MED13: variants seen among roughly 807,000 people sequenced by gnomAD.
The protein encoded by MED13 is mediator of RNA polymerase II transcription subunit 13.
Under a neutral mutation model 225.2 loss-of-function variants are expected in MED13, and 23 were observed. The observed-to-expected ratio is 0.10, with a 90% CI of 0.07 to 0.14. The LOEUF (loss-of-function observed/expected upper bound fraction) is 0.14, where lower values mean the gene tolerates loss of function less well. Among genes scored for constraint, MED13 ranks in the 10% least tolerant of loss-of-function variants. The pLI, the probability that MED13 is intolerant of heterozygous loss-of-function variation, is 1.00. For missense variants in MED13, 2,197 were observed against 2,594.5 expected, an observed-to-expected ratio of 0.85 and a Z score of 3.33; for synonymous variants, 942 against 889.2, an observed-to-expected ratio of 1.06 and a Z score of -1.06.
intron 23 of MED13, among the ~76,000 whole-genome samples, chr17:61,958,603 C>T (rs1028952831): frequency 6.6e-6 from 1 of 151,920 alleles, no homozygotes; most frequent in African/African-American, 2.4e-5. Flanking sequence ...TCCCAAAGTG[C>T]TGGGATTACA....
chr17:61,967,071 T>C (rs1484493013), intron 18 of MED13, among the ~76,000 whole-genome samples: 8 of 152,248 alleles, frequency 5.3e-5, no homozygotes, highest in African/African-American at 1.4e-4. Context: ...AAAATAAAAA[T>C]TGTTATACAA....
At chr17:61,991,497 G>A (rs774192348) in intron 11 of MED13, among the ~76,000 whole-genome samples, 17 of 150,684 alleles carry the variant, frequency 1.1e-4, no homozygotes, top group Non-Finnish European at 2.5e-4. Context: ...GCACCACCAC[G>A]CCCAGCTAAT....
Position 62,010,969 on chromosome 17 carries a change from T to C in MED13, c.1548A>G (p.Val516=). The part of the protein sequence containing the change: ...VRFSNIRTND[V]AKTPQMHGTE... ...TGCCATGCATCTGAGGAGTCTTTGC[T>C]ACATCATTAGTTCGGATATTTGAAA... is the stretch of plus-strand genomic sequence containing the variant. Residue 516 remains valine, a synonymous_variant, in exon 9 of 30, where the codon GTA becomes GTG. Coordinates refer to ENST00000397786, the MANE Select transcript of MED13 (RefSeq NM_005121.3). 6.2e-7 allele frequency: 1 copy of C among 1,613,466 alleles called. No homozygotes were observed. The highest frequency in any genetic ancestry group is 8.5e-7 in the Non-Finnish European group (1 of 1,179,364).
Position 61,961,076 on chromosome 17 carries a change from A to T in MED13, c.5271T>A (p.Ile1757=), listed in dbSNP as rs765249105. The change falls in exon 23 of 30, where the codon ATT becomes ATA. Residue 1757 remains isoleucine, a synonymous_variant. Transcript: ENST00000397786. The part of the protein sequence containing the change: ...ALRSPDRPEC[I]RLYAPPFILA... ...GAATAAAAGGAGGTGCATAAAGTCG[A>T]ATACACTCTGGTCTCTATAAAATAA... 2.5e-6 allele frequency: 4 copies of T among 1,613,314 alleles called. No homozygotes were observed. The highest frequency in any genetic ancestry group is 3.4e-6 in the Non-Finnish European group (4 of 1,179,448).
At chr17:62,024,574 C>T (rs1242228451) in intron 8 of MED13, among the ~76,000 whole-genome samples, 7 of 151,978 alleles carry the variant, frequency 4.6e-5, no homozygotes, top group Non-Finnish European at 5.9e-5. Context: ...GGGGTAAATT[C>T]GCAGGTTTGT....
chr17:62,030,077 G>T, intron 6 of MED13, 64 bp from the exon 7 acceptor site: 2 of 1,329,424 alleles, frequency 1.5e-6, no homozygotes, highest in Non-Finnish European at 9.8e-7. Context: ...AACATTATTT[G>T]GGTTTTTTAT....
At chr17:62,057,506 T>C (rs1282485991) in intron 2 of MED13, among the ~76,000 whole-genome samples, 2 of 152,146 alleles carry the variant, frequency 1.3e-5, no homozygotes, top group Non-Finnish European at 2.9e-5. Context: ...AATTTTACAA[T>C]AGTAGAAATA....
chr17:61,948,804 C>A (rs983391672), intron 28 of MED13, among the ~76,000 whole-genome samples: 1 of 150,868 alleles, frequency 6.6e-6, no homozygotes, highest in Non-Finnish European at 1.5e-5. Flanking sequence ...AAGTGAGTCA[C>A]GGCCGGGCGC....
At chr17:62,046,860 A>C (rs2080901871) in intron 3 of MED13, among the ~76,000 whole-genome samples, 1 of 151,424 alleles carries the variant, frequency 6.6e-6, no homozygotes, top group Admixed American at 6.6e-5. Flanking sequence ...TTATAATTTC[A>C]ATTTTTTTTT....
chr17:61,970,059 A>G (rs534888841), intron 17 of MED13, among the ~76,000 whole-genome samples: 1 of 152,252 alleles, frequency 6.6e-6, no homozygotes, highest in Non-Finnish European at 1.5e-5. Context: ...TAATAATAGC[A>G]AACAATGATA....
chr17:62,008,832 C>T (rs562917807), intron 9 of MED13, among the ~76,000 whole-genome samples: 1 of 151,894 alleles, frequency 6.6e-6, no homozygotes, highest in African/African-American at 2.4e-5. Context: ...GTCTAGAAAG[C>T]AACTGGTTCA....
chr17:61,979,175 C>G (rs2080182368), intron 16 of MED13, among the ~76,000 whole-genome samples: 1 of 152,158 alleles, frequency 6.6e-6, no homozygotes, highest in Non-Finnish European at 1.5e-5. Flanking sequence ...ATGTAATCTT[C>G]TGGGACTTGT....
rs751822171 is a variant in MED13 at position 61,982,543 on chromosome 17, C to T, written c.3460G>A (p.Asp1154Asn). The change falls in exon 16 of 30, where the codon GAC becomes AAC. Residue 1154 changes from aspartate to asparagine, a missense_variant. Physicochemically the swap from Asp to Asn is conservative, Grantham distance 23. Coordinates refer to ENST00000397786, the MANE Select transcript of MED13 (RefSeq NM_005121.3). Reference sequence around the variant, plus strand: ...CGTTTTTCTGCTTCTTTGCCACAGTCTGTATTGCGTCCTATGATATCTAGT... The same window carrying T: ...CGTTTTTCTGCTTCTTTGCCACAGTTTGTATTGCGTCCTATGATATCTAGT... ...DELDIIGRNT[D>N]CGKEAEKRFE... is the part of the protein sequence containing the mutation. The T allele has an allele frequency of 6.2e-6, 10 of 1,614,084 alleles. No homozygotes were observed. In the South Asian group the frequency reaches 1.1e-4, roughly 18 times the overall value.
Position 61,982,733 on chromosome 17 carries a change from A to G in MED13, c.3270T>C (p.Phe1090=). ...SVMNLFKDCN[F]DSCCICVCNM... ...TGCAAACACAGATGCAACAACTATC[A>G]AAGTTACAGTCTTTAAACAAATTCA... The change falls in exon 16 of 30, where the codon TTT becomes TTC. Residue 1090 remains phenylalanine, a synonymous_variant. Coordinates refer to ENST00000397786, the MANE Select transcript of MED13 (RefSeq NM_005121.3). 1 of 1,614,192 alleles carries G rather than the reference A, an allele frequency of 6.2e-7. No homozygotes were observed. Among genetic ancestry groups the G allele is most frequent in the Non-Finnish European group, 8.5e-7 (1 of 1,180,040 alleles).
intron 9 of MED13, chr17:62,004,410 G>A (rs2080426044): frequency 6.6e-6 from 1 of 152,226 alleles, no homozygotes; most frequent in Non-Finnish European, 1.5e-5. Flanking sequence ...CCATAGTTTA[G>A]ATAAAATGGT....
At chr17:61,994,638 A>G (rs1050702735) in intron 10 of MED13, among the ~76,000 whole-genome samples, 3 of 152,236 alleles carry the variant, frequency 2.0e-5, no homozygotes, top group Non-Finnish European at 2.9e-5. Context: ...TTAAACAACA[A>G]AATATTTTCA....
chr17:62,012,513 A>T (rs2080520945), intron 8 of MED13, among the ~76,000 whole-genome samples: 1 of 151,448 alleles, frequency 6.6e-6, no homozygotes, highest in Non-Finnish European at 1.5e-5. Context: ...CATTTTTAGT[A>T]GAGACGGGGT....
intron 15 of MED13, 59 bp downstream of exon 15, chr17:61,984,112 G>GA (rs1440667443): frequency 7.5e-4 from 916 of 1,218,020 alleles, no homozygotes; most frequent in South Asian, 9.5e-4. Flanking sequence ...GTAAATCTAT[G>GA]AAAAAAAAAT....
chr17:62,029,523 G>A lies in MED13; in HGVS notation c.1283+18C>T, dbSNP rs367555303. On this transcript the variant is annotated intron_variant, in intron 8 of 29. Coordinates refer to ENST00000397786, the MANE Select transcript of MED13 (RefSeq NM_005121.3). ...AAACTATCACACATAGGCATCAATC[G>A]ATCGGGAAATAATCTACCTCAAACA... 4.9e-5 allele frequency: 78 copies of A among 1,587,120 alleles called. No homozygotes were observed. Among genetic ancestry groups the A allele is most frequent in the Admixed American group, 6.7e-5 (4 of 59,852 alleles).
Sources: gnomAD v4.1 joint callset for allele counts (sites outside exome capture counted in the v4.1 genomes callset) on GRCh38, gnomAD v4.1.1 for gene constraint, MANE v1.5 for transcripts, NCBI Gene and HGNC (gene_info 2026-07-23, HGNC 2026-07-21) for gene names.